The following RGL1 variants were observed in gnomAD, a reference collection of about 807,000 sequenced individuals.
RGL1 encodes the protein ral guanine nucleotide dissociation stimulator like 1, also known as ral guanine nucleotide dissociation stimulator-like 1.
RGL1 carries 24 observed loss-of-function variants against 95.2 expected under a neutral mutation model. That is an observed-to-expected ratio of 0.25 (90% CI 0.18 to 0.35). The LOEUF is 0.35. RGL1 is among the 10% of genes least tolerant of loss of function. The pLI is 1.00. For missense variants in RGL1, 715 were observed against 936.3 expected (o/e 0.76, Z 3.08); for synonymous variants, 329 against 344.9 (o/e 0.95, Z 0.51).
In RGL1 at chr1:183,744,073, C is replaced by T. The variant is rs571339075; in HGVS notation, c.132+1784C>T. 3.9e-5 allele frequency among the ~76,000 whole-genome samples: 6 copies of T among 152,270 alleles called. No individual in the cohort carries two copies. The South Asian group carries it at 1.2e-3, about 32-fold the overall frequency. On this transcript the variant is annotated intron_variant, in intron 2 of 18. Coordinates refer to the RGL1 transcript ENST00000304685. ...TGCAAAGCTGTGGGAGAGAGGAGCTCATTGCCAAGTTTAGTTGCATGCCTT... is the reference window on the plus strand; with the variant it reads ...TGCAAAGCTGTGGGAGAGAGGAGCTTATTGCCAAGTTTAGTTGCATGCCTT...
chr1:183,861,768 G>A (rs1665522734), intron 3 of RGL1, among the ~76,000 whole-genome samples: 1 of 152,172 alleles, frequency 6.6e-6, no homozygotes, highest in South Asian at 2.1e-4. Context: ...AATTGGACAC[G>A]ACATCGTTGA....
At chr1:183,864,943 T>A (rs758868648) in intron 3 of RGL1, among the ~76,000 whole-genome samples, 7 of 152,178 alleles carry the variant, frequency 4.6e-5, no homozygotes, top group African/African-American at 7.2e-5. Flanking sequence ...GGGCCTTTAA[T>A]CCCATTAGTA....
At chr1:183,649,065 A>G (rs1650530539) in intron 1 of RGL1, among the ~76,000 whole-genome samples, 1 of 152,218 alleles carries the variant, frequency 6.6e-6, no homozygotes, top group South Asian at 2.1e-4. Context: ...TGAGTTAACA[A>G]TGCAAGTTCT....
At chr1:183,863,770 C>T (rs1005280574) in intron 3 of RGL1, among the ~76,000 whole-genome samples, 2 of 152,162 alleles carry the variant, frequency 1.3e-5, no homozygotes, top group African/African-American at 4.8e-5. Context: ...GGATCGTGTG[C>T]TCTGCCACAC....
chr1:183,822,374 A>C (rs941148119), intron 2 of RGL1, among the ~76,000 whole-genome samples: 2 of 152,062 alleles, frequency 1.3e-5, no homozygotes, highest in Non-Finnish European at 2.9e-5. Flanking sequence ...AAACTTGTAG[A>C]CTTAGATAGC....
intron 16 of RGL1, among the ~76,000 whole-genome samples, chr1:183,920,596 G>A (rs1027532432): frequency 1.3e-4 from 20 of 152,318 alleles, no homozygotes; most frequent in African/African-American, 4.6e-4. Context: ...TAGCCTGGCT[G>A]TCTCATATGA....
chr1:183,691,670 G>T (rs567148970), intron 1 of RGL1, among the ~76,000 whole-genome samples: 1 of 152,224 alleles, frequency 6.6e-6, no homozygotes, highest in Non-Finnish European at 1.5e-5. Context: ...TTGAGAGAAT[G>T]AATAGGTATA....
intron 1 of RGL1, among the ~76,000 whole-genome samples, chr1:183,700,496 A>G (rs1654526009): frequency 1.3e-5 from 2 of 150,104 alleles, no homozygotes; most frequent in Admixed American, 6.6e-5. Flanking sequence ...GTTTTGTTAC[A>G]TAGGTATACG....
chr1:183,902,417 C>G (rs1050721956), intron 11 of RGL1, 151 bp from the exon 12 acceptor site: 2 of 517,676 alleles, frequency 3.9e-6, no homozygotes, highest in Non-Finnish European at 6.5e-6. Flanking sequence ...CAAAACAGGA[C>G]TCTCTTCTTC....
intron 2 of RGL1, among the ~76,000 whole-genome samples, chr1:183,842,269 G>A (rs566396817): frequency 1.3e-5 from 2 of 151,504 alleles, no homozygotes; most frequent in Admixed American, 1.3e-4. Context: ...TAATGAGGTT[G>A]TTTGCTTAAC....
Position 183,685,285 on chromosome 1 carries a change from G to T in RGL1, c.-33+48784G>T, listed in dbSNP as rs968983577. On this transcript the variant is annotated intron_variant, in intron 1 of 18. Coordinates refer to the RGL1 transcript ENST00000304685. The stretch of plus-strand genomic sequence containing the variant: ...ACGCCAGCAGCCTGGTTATGAATAG[G>T]ATCAGCAGTGCCATCTTGTGGTAAA... Among the ~76,000 whole-genome samples, 12 of 152,190 alleles carry T rather than the reference G, an allele frequency of 7.9e-5. No individual in the cohort carries two copies. The South Asian group carries it at 1.4e-3, about 18-fold the overall frequency.
intron 2 of RGL1, among the ~76,000 whole-genome samples, chr1:183,776,141 A>ATTTTTTT (rs66738956): frequency 4.5e-5 from 4 of 88,800 alleles, no homozygotes; most frequent in South Asian, 3.9e-4. Context: ...GGGAATACAG[A>ATTTTTTT]TTTTTTTTTT....
At chr1:183,663,956 T>G (rs1019591738) in intron 1 of RGL1, among the ~76,000 whole-genome samples, 1 of 150,502 alleles carries the variant, frequency 6.6e-6, no homozygotes, top group Non-Finnish European at 1.5e-5. Flanking sequence ...AGTAAACCAT[T>G]GCAAGAACAA....
intron 2 of RGL1, among the ~76,000 whole-genome samples, chr1:183,829,319 G>A (rs761563527): frequency 6.6e-6 from 1 of 151,986 alleles, no homozygotes; most frequent in East Asian, 1.9e-4. Context: ...GTGTATACCT[G>A]TAGTCCCAGC....
At chr1:183,897,739 A>T in intron 9 of RGL1, 69 bp from the exon 10 acceptor site, 4 of 1,161,132 alleles carry the variant, frequency 3.4e-6, no homozygotes, top group South Asian at 2.5e-5. Flanking sequence ...GAGAAACTAG[A>T]TGCCTCTTTA....
chr1:183,734,982 C>A (rs575226479), intron 1 of RGL1, among the ~76,000 whole-genome samples: 1 of 152,238 alleles, frequency 6.6e-6, no homozygotes, highest in South Asian at 2.1e-4. Flanking sequence ...CTGTGCCGAG[C>A]AGGGATTGTT....
At chr1:183,804,945 GTGT>G (rs1016007685), upstream of RGL1, among the ~76,000 whole-genome samples, 2 of 152,234 alleles carry the variant, frequency 1.3e-5, no homozygotes, top group African/African-American at 2.4e-5. Flanking sequence ...AAACTTGAAA[GTGT>G]TGTTTCCCAA....
chr1:183,774,071 G>T (rs546888540), intron 2 of RGL1, among the ~76,000 whole-genome samples: 2 of 152,124 alleles, frequency 1.3e-5, no homozygotes. Context: ...CATATGCACA[G>T]AACTTACCGG....
chr1:183,836,657 C>A (rs1036596794), intron 2 of RGL1, among the ~76,000 whole-genome samples: 3 of 152,072 alleles, frequency 2.0e-5, no homozygotes, highest in Admixed American at 1.3e-4. Flanking sequence ...TAATAACATG[C>A]TTGAAAGACA....
Sources: gnomAD v4.1 joint callset for allele counts (sites outside exome capture counted in the v4.1 genomes callset) on GRCh38, gnomAD v4.1.1 for gene constraint, MANE v1.5 for transcripts, NCBI Gene and HGNC (gene_info 2026-07-23, HGNC 2026-07-21) for gene names.